The following ITGA5 variants were observed in gnomAD, a reference collection of about 807,000 sequenced individuals.
ITGA5 encodes integrin alpha-5.
Under a neutral mutation model 146.3 loss-of-function variants are expected in ITGA5, and 55 were observed. The observed-to-expected ratio is 0.38, with a 90% CI of 0.30 to 0.47. The LOEUF (loss-of-function observed/expected upper bound fraction) is 0.47, where lower values mean the gene tolerates loss of function less well. ITGA5 is among the 20% of genes least tolerant of loss of function. The pLI, the probability that ITGA5 is intolerant of heterozygous loss-of-function variation, is 0.99. For synonymous variants in ITGA5, 500 were observed against 531.8 expected (o/e 0.94, Z 0.82); for missense variants, 1,131 against 1,329.0 (o/e 0.85, Z 2.32).
chr12:54,409,656 G>T lies in ITGA5; in HGVS notation c.350-59C>A. ...CCATGGACATTTGAGCTCTAGGGCA[G>T]CCCCTACCCTCAGCCTGGGGATACC... On this transcript the variant is annotated intron_variant, in intron 2 of 29. Coordinates refer to ENST00000293379, the MANE Select transcript of ITGA5 (RefSeq NM_002205.5). The surrounding 1 kb of genome is among the most constrained non-coding windows in gnomAD (Gnocchi z 4.7). 1 of 1,161,120 alleles carries T rather than the reference G, an allele frequency of 8.6e-7. No individual in the cohort carries two copies. Among genetic ancestry groups the T allele is most frequent in the Non-Finnish European group, 1.3e-6 (1 of 799,394 alleles). 71.9% of individuals were successfully genotyped at this position (1,161,120 alleles called of 1,614,324 possible). A position where few individuals can be genotyped will look rare whatever the true frequency, so the allele number is the denominator to read the frequency against.
Position 54,411,950 on chromosome 12 carries a change from AC to A in ITGA5, c.232del (p.Val78TrpfsTer92), listed in dbSNP as rs1169112730. ...RPGTDGVSVL[V>X]GAPKANTSQP... ...GCTGGTATTAGCCTTGGGTGCTCCC[AC>A]CAGCACACTGACCCTGTGGGGGGGA... On this transcript the variant is annotated frameshift_variant, in exon 2 of 30. Transcript: ENST00000293379. LOFTEE classifies it high-confidence loss of function. The A allele has an allele frequency of 6.3e-7, 1 of 1,597,342 alleles. No homozygotes were observed.
chr12:54,409,997 C>T lies in ITGA5; in HGVS notation c.350-400G>A, dbSNP rs1461685657. 1.3e-5 allele frequency among the ~76,000 whole-genome samples: 2 copies of T among 152,036 alleles called. No homozygotes were observed. Among genetic ancestry groups the T allele is most frequent in the Non-Finnish European group, 2.9e-5 (2 of 68,008 alleles). ...TCAGCCTCCTCAGTAGCTGGGATTA[C>T]AGGTGCGCGTCACCACACCTGGCTA... On this transcript the variant is annotated intron_variant, in intron 2 of 29. Transcript: ENST00000293379. This position sits in a 1 kb window ranked among gnomAD's most constrained non-coding sequence, Gnocchi z 4.7.
At position 54,401,699 on chromosome 12, in the gene ITGA5, T is replaced by C; in HGVS notation, c.2307-34A>G. ...TGGAGGCAAGACTGAGGTGCTGGAGTGCAGCCAGTGAGAATGGCGCCCAGC... is the reference window on the plus strand; with the variant it reads ...TGGAGGCAAGACTGAGGTGCTGGAGCGCAGCCAGTGAGAATGGCGCCCAGC... On this transcript the variant is annotated intron_variant, in intron 22 of 29. Coordinates refer to ENST00000293379, the MANE Select transcript of ITGA5 (RefSeq NM_002205.5). This position sits in a 1 kb window ranked among gnomAD's most constrained non-coding sequence, Gnocchi z 5.0. 6.2e-7 allele frequency: 1 copy of C among 1,612,634 alleles called. No homozygotes were observed. The highest frequency in any genetic ancestry group is 8.5e-7 in the Non-Finnish European group (1 of 1,178,828).
intron 9 of ITGA5, among the ~76,000 whole-genome samples, chr12:54,406,367 G>T (rs576894810): frequency 6.6e-6 from 1 of 152,150 alleles, no homozygotes; most frequent in East Asian, 1.9e-4. Flanking sequence ...CCAGTCCCCC[G>T]AACCACAAAC....
rs1414979719 is a variant in ITGA5 at position 54,419,087 on chromosome 12, T to C, written c.112A>G (p.Arg38Gly). The C allele has an allele frequency of 3.1e-6, 5 of 1,587,622 alleles. No homozygotes were observed. The highest frequency in any genetic ancestry group is 4.3e-6 in the Non-Finnish European group (5 of 1,170,108). Residue 38 changes from arginine to glycine, a missense_variant, in exon 1 of 30, where the codon AGG (arginine) becomes GGG (glycine). Arg to Gly is a moderately radical substitution (Grantham distance 125). Coordinates refer to ENST00000293379, the MANE Select transcript of ITGA5 (RefSeq NM_002205.5). Reference protein sequence around the residue: ...LLLLLLPPPPRVGGFNLDAEA... With the variant: ...LLLLLLPPPPGVGGFNLDAEA... ...GCGTCTAAGTTGAAGCCCCCGACCC[T>C]GGGTGGCGGCGGCAGCAGCAGCAAC...
Position 54,409,182 on chromosome 12 carries a change from C to T in ITGA5, c.583+50G>A. The T allele has an allele frequency of 6.3e-7, 1 of 1,582,100 alleles. No homozygotes were observed. Among genetic ancestry groups the T allele is most frequent in the Non-Finnish European group, 8.6e-7 (1 of 1,166,862 alleles). On this transcript the variant is annotated intron_variant, in intron 4 of 29. Transcript: ENST00000293379. The surrounding 1 kb of genome is among the most constrained non-coding windows in gnomAD (Gnocchi z 4.7). Reference sequence around the variant, plus strand: ...TCAACCCTAAGTATGTGAGACACTTCAAGTATATGAGAAGGCAGACATGGG... The same window carrying T: ...TCAACCCTAAGTATGTGAGACACTTTAAGTATATGAGAAGGCAGACATGGG...
intron 11 of ITGA5, 75 bp from the exon 12 acceptor site, chr12:54,405,449 C>A (rs1955853601): frequency 1.6e-6 from 2 of 1,251,132 alleles, no homozygotes; most frequent in Non-Finnish European, 2.2e-6. Context: ...GCTAGAAATC[C>A]CGGACACTCT....
chr12:54,397,470 T>C lies in ITGA5; in HGVS notation c.2961A>G (p.Gln987=), dbSNP rs763536782. ...CATAGCTGCCTTCTGCCTTGGTCCA[T>C]TGCACAGCTGTGGCCACCTGGGGAG... ...QKERQVATAV[Q]WTKAEGSYGV... is the part of the protein sequence containing the mutation. Residue 987 remains glutamine (Q), a synonymous_variant, in exon 29 of 30, where the codon CAA becomes CAG. Transcript: ENST00000293379. 8.7e-6 allele frequency: 14 copies of C among 1,614,000 alleles called. No homozygotes were observed. The Admixed American group carries it at 1.0e-4, about 12-fold the overall frequency.
intron 27 of ITGA5, chr12:54,398,925 C>T (rs374563743): frequency 2.5e-6 from 1 of 405,772 alleles, no homozygotes; most frequent in Non-Finnish European, 4.3e-6. Context: ...CTGCAACCTC[C>T]ACCTCCTGGG....
In ITGA5 at chr12:54,403,253, G is replaced by A. The variant is rs751489017; in HGVS notation, c.1848C>T (p.Ala616=). 13 of 1,566,946 alleles carry A rather than the reference G, an allele frequency of 8.3e-6. No homozygotes were observed. In the South Asian group the frequency reaches 1.4e-4, roughly 17 times the overall value. Residue 616 remains alanine, a synonymous_variant, in exon 18 of 30, where the codon GCC becomes GCT. Coordinates refer to ENST00000293379, the MANE Select transcript of ITGA5 (RefSeq NM_002205.5). The surrounding 1 kb of genome is among the most constrained non-coding windows in gnomAD (Gnocchi z 4.9). ...GCCTGAGGCCGTGGCTGTCCACTGG[G>A]GCTTGGGGGTCCAAGGAGAAGTTGA... ...IALNFSLDPQ[A]PVDSHGLRPA... is the part of the protein sequence containing the mutation.
chr12:54,409,076 G>A lies in ITGA5; in HGVS notation c.584-122C>T, dbSNP rs555970377. 6.4e-6 allele frequency: 9 copies of A among 1,397,930 alleles called. No individual in the cohort carries two copies. The Admixed American group carries it at 1.5e-4, about 23-fold the overall frequency. 86.6% of individuals were successfully genotyped at this position (1,397,930 alleles called of 1,614,324 possible). On this transcript the variant is annotated intron_variant, in intron 4 of 29. Coordinates refer to ENST00000293379, the MANE Select transcript of ITGA5 (RefSeq NM_002205.5). The surrounding 1 kb of genome is among the most constrained non-coding windows in gnomAD (Gnocchi z 4.7). The stretch of plus-strand genomic sequence containing the variant: ...AGAAAGGGCCTTCCTGGACCAGACA[G>A]TAAGCATAAAGGCTAACGAACTGGG...
rs1956009831 is a variant in ITGA5, at chr12:54,416,540, A to T, written c.218+2441T>A. 6.6e-6 allele frequency among the ~76,000 whole-genome samples: 1 copy of T among 151,432 alleles called. No individual in the cohort carries two copies. The highest frequency in any genetic ancestry group is 2.1e-4 in the South Asian group (1 of 4,796). ...AAATACTCAAAGCAAGTAAGAAATG[A>T]GGGAACTAGGCGGTAGCCAGGAAGG... is the stretch of plus-strand genomic sequence containing the variant. On this transcript the variant is annotated intron_variant, in intron 1 of 29. Transcript: ENST00000293379. The surrounding 1 kb of genome is among the most constrained non-coding windows in gnomAD (Gnocchi z 4.1).
rs1382997103 is a variant in ITGA5, at chr12:54,396,345, C to T, written c.3098G>A (p.Gly1033Asp). ...GAGCTGAGCTTTTTCCATGGCGGTG[C>T]CATATGGGAGGGAGCGTTTGAAGAA... ...LGFFKRSLPY[G>D]TAMEKAQLKP... The change falls in exon 30 of 30, where the codon GGC (glycine) becomes GAC (aspartate). Residue 1033 changes from glycine to aspartate, a missense_variant. By Grantham distance (94) the Gly-to-Asp change is moderately conservative. Transcript: ENST00000293379. The T allele has an allele frequency of 6.2e-7, 1 of 1,613,818 alleles. No homozygotes were observed. The highest frequency in any genetic ancestry group is 8.5e-7 in the Non-Finnish European group (1 of 1,179,946).
In ITGA5 at chr12:54,402,229, A is replaced by AC; in HGVS notation, c.2083dup (p.Val695GlyfsTer8). ...GTACTCAGCCTCTGGAGGGGCGGTG[A>AC]CCCGAAGCTCAGCCTCATAGGCGCC... is the stretch of plus-strand genomic sequence containing the variant. On this transcript the variant is annotated frameshift_variant, in exon 20 of 30. Coordinates refer to ENST00000293379, the MANE Select transcript of ITGA5 (RefSeq NM_002205.5). LOFTEE classifies it high-confidence loss of function. 6.2e-7 allele frequency: 1 copy of AC among 1,614,048 alleles called. No individual in the cohort carries two copies. Among genetic ancestry groups the AC allele is most frequent in the South Asian group, 1.1e-5 (1 of 91,078 alleles).
chr12:54,405,427 C>T, intron 11 of ITGA5, 53 bp from the exon 12 acceptor site: 1 of 1,407,476 alleles, frequency 7.1e-7, no homozygotes, highest in Non-Finnish European at 9.7e-7. Context: ...GCCACCCCAC[C>T]CCAATCCTAG....
In ITGA5 at chr12:54,401,965, C is replaced by T. The variant is rs1955790998; in HGVS notation, c.2226+36G>A. 1 of 1,609,368 alleles carries T rather than the reference C, an allele frequency of 6.2e-7. No homozygotes were observed. Among genetic ancestry groups the T allele is most frequent in the East Asian group, 2.2e-5 (1 of 44,864 alleles). Reference sequence around the variant, plus strand: ...GCTGGTTACCGCCCTCAGGTCTGCTCTCCCTCTGTCCCATCCTCTTTCATC... The same window carrying T: ...GCTGGTTACCGCCCTCAGGTCTGCTTTCCCTCTGTCCCATCCTCTTTCATC... On this transcript the variant is annotated intron_variant, in intron 21 of 29. Coordinates refer to ENST00000293379, the MANE Select transcript of ITGA5 (RefSeq NM_002205.5). This position sits in a 1 kb window ranked among gnomAD's most constrained non-coding sequence, Gnocchi z 5.0.
At chr12:54,418,442 G>A (rs1035578014) in intron 1 of ITGA5, among the ~76,000 whole-genome samples, 2 of 152,022 alleles carry the variant, frequency 1.3e-5, no homozygotes, top group Admixed American at 1.3e-4. Context: ...GGGGAGGGGA[G>A]GATGAGGCTG....
Position 54,412,834 on chromosome 12 carries a change from C to T in ITGA5, c.219-870G>A, listed in dbSNP as rs11574799. Among the ~76,000 whole-genome samples the T allele has an allele frequency of 1.4e-3, 212 of 152,272 alleles. 2 individuals carry two copies. In the Middle Eastern group the frequency reaches 0.027, roughly 20 times the overall value. Reference sequence around the variant, plus strand: ...TCTCTTGCCTCCAAGACCTCCACACCGCTCTTGGCTCTCTTGGTTTCCCCT... The same window carrying T: ...TCTCTTGCCTCCAAGACCTCCACACTGCTCTTGGCTCTCTTGGTTTCCCCT... On this transcript the variant is annotated intron_variant, in intron 1 of 29. Coordinates refer to ENST00000293379, the MANE Select transcript of ITGA5 (RefSeq NM_002205.5).
chr12:54,402,900 G>T (rs990264057), intron 19 of ITGA5, 83 bp downstream of exon 19: 8 of 1,120,424 alleles, frequency 7.1e-6, no homozygotes, highest in Non-Finnish European at 8.2e-6. Flanking sequence ...TTCCCAAGGC[G>T]ACACAGCTAG....
Sources: allele counts gnomAD v4.1 joint callset (sites outside exome capture counted in the v4.1 genomes callset), GRCh38; gene constraint gnomAD v4.1.1; non-coding constraint Gnocchi (gnomAD v3.1); transcripts MANE v1.5; gene names NCBI Gene and HGNC (gene_info 2026-07-23, HGNC 2026-07-21).